PLEKHM2: variants seen among roughly 807,000 people sequenced by gnomAD.
The protein encoded by PLEKHM2 is pleckstrin homology domain-containing family M member 2.
Under a neutral mutation model 116.3 loss-of-function variants are expected in PLEKHM2, and 77 were observed. The observed-to-expected ratio is 0.66, with a 90% CI of 0.55 to 0.80. The LOEUF is 0.80. Ranked by LOEUF, PLEKHM2 falls within the 30% of genes least tolerant of loss-of-function variation. The pLI, the probability that PLEKHM2 is intolerant of heterozygous loss-of-function variation, is 0.00. For missense variants in PLEKHM2, 1,183 were observed against 1,354.9 expected (o/e 0.87, Z 1.99); for synonymous variants, 562 against 571.0 (o/e 0.98, Z 0.22).
Position 15,728,712 on chromosome 1 carries a change from C to T in PLEKHM2, c.1965C>T (p.Tyr655=). 6.2e-7 allele frequency: 1 copy of T among 1,611,190 alleles called. No homozygotes were observed. The highest frequency in any genetic ancestry group is 8.5e-7 in the Non-Finnish European group (1 of 1,178,688). Residue 655 remains tyrosine (Y), a synonymous_variant, in exon 12 of 20, where the codon TAC becomes TAT. Transcript: ENST00000375799. This position sits in a 1 kb window ranked among gnomAD's most constrained non-coding sequence, Gnocchi z 5.9. The part of the protein sequence containing the change: ...KPYLVEEAVS[Y]NELDYVSVGL... ...ACCTGGTGGAAGAGGCCGTTTCTTA[C>T]AATGAACTTGACTATGTGTCGGTGA...
At chr1:15,708,974 T>C (rs1285084558) in intron 1 of PLEKHM2, among the ~76,000 whole-genome samples, 3 of 152,210 alleles carry the variant, frequency 2.0e-5, no homozygotes, top group African/African-American at 4.8e-5. Context: ...TGGCAACCTA[T>C]AGGGAGGGTC....
chr1:15,729,095 C>T lies in PLEKHM2; in HGVS notation c.1987-7C>T, dbSNP rs1359290223. Reference sequence around the variant, plus strand: ...CCAAGTGCATGTCACGGTGTGGTTTCTGGCAGGTTGGCCTTGACCAGCAGA... The same window carrying T: ...CCAAGTGCATGTCACGGTGTGGTTTTTGGCAGGTTGGCCTTGACCAGCAGA... On this transcript the variant is annotated splice_polypyrimidine_tract_variant and splice_region_variant and intron_variant, in intron 12 of 19. Transcript: ENST00000375799. This position sits in a 1 kb window ranked among gnomAD's most constrained non-coding sequence, Gnocchi z 4.7. 6.2e-7 allele frequency: 1 copy of T among 1,604,900 alleles called. No homozygotes were observed. Among genetic ancestry groups the T allele is most frequent in the Non-Finnish European group, 8.5e-7 (1 of 1,175,864 alleles).
Position 15,727,034 on chromosome 1 carries a change from T to C in PLEKHM2, c.962T>C (p.Ile321Thr). The change falls in exon 9 of 20, where the codon ATT becomes ACT. Residue 321 changes from isoleucine to threonine, a missense_variant. Coordinates refer to ENST00000375799, the MANE Select transcript of PLEKHM2 (RefSeq NM_015164.4). This position sits in a 1 kb window ranked among gnomAD's most constrained non-coding sequence, Gnocchi z 7.5. Reference sequence around the variant, plus strand: ...CCCAGGGTCACCAAGAAGAAGAAAATTGGCAAGAAGAAAAAGAGCAGATCA... The same window carrying C: ...CCCAGGGTCACCAAGAAGAAGAAAACTGGCAAGAAGAAAAAGAGCAGATCA... ...EVIRVTKKKK[I>T]GKKKKSRSDE... 6.8e-7 allele frequency: 1 copy of C among 1,476,552 alleles called. No individual in the cohort carries two copies. Among genetic ancestry groups the C allele is most frequent in the South Asian group, 1.4e-5 (1 of 69,370 alleles). The allele number at this position is 1,476,552 out of a possible 1,614,324, so 91.5% of individuals were successfully genotyped here.
intron 19 of PLEKHM2, among the ~76,000 whole-genome samples, chr1:15,733,258 G>A (rs2068173023): frequency 6.6e-6 from 1 of 152,270 alleles, no homozygotes; most frequent in Non-Finnish European, 1.5e-5. Context: ...GGCCAAAGCT[G>A]AAAACAGAAC....
Position 15,729,099 on chromosome 1 carries a change from C to T in PLEKHM2, c.1987-3C>T, listed in dbSNP as rs775150311. The T allele has an allele frequency of 4.4e-6, 7 of 1,605,824 alleles. No individual in the cohort carries two copies. The South Asian group carries it at 4.5e-5, about 10-fold the overall frequency. ...GTGCATGTCACGGTGTGGTTTCTGGCAGGTTGGCCTTGACCAGCAGACGGT... is the reference window on the plus strand; with the variant it reads ...GTGCATGTCACGGTGTGGTTTCTGGTAGGTTGGCCTTGACCAGCAGACGGT... On this transcript the variant is annotated splice_polypyrimidine_tract_variant and splice_region_variant and intron_variant, in intron 12 of 19. Coordinates refer to ENST00000375799, the MANE Select transcript of PLEKHM2 (RefSeq NM_015164.4). This position sits in a 1 kb window ranked among gnomAD's most constrained non-coding sequence, Gnocchi z 4.7.
chr1:15,714,396 A>C (rs1641400109), intron 1 of PLEKHM2, among the ~76,000 whole-genome samples: 2 of 150,808 alleles, frequency 1.3e-5, no homozygotes, highest in African/African-American at 2.4e-5. Context: ...GTCGTACTTA[A>C]TACTGAAGTG....
In PLEKHM2 at chr1:15,727,810, A is replaced by G. The variant is rs375845025; in HGVS notation, c.1738A>G (p.Met580Val). 62 of 1,591,144 alleles carry G rather than the reference A, an allele frequency of 3.9e-5. No homozygotes were observed. In the African/African-American group the frequency reaches 6.3e-4, roughly 16 times the overall value. ...VDEGQGSPSE[M>V]VHSSEFRVDN... Reference sequence around the variant, plus strand: ...TGAGGGACAGGGGAGCCCTTCGGAGATGGTCCATTCCTCGGAGTTCAGGTA... The same window carrying G: ...TGAGGGACAGGGGAGCCCTTCGGAGGTGGTCCATTCCTCGGAGTTCAGGTA... The change falls in exon 9 of 20, where the codon ATG becomes GTG. Residue 580 changes from methionine to valine, a missense_variant. This residue lies in a region of PLEKHM2 where 594 missense variants were observed against 720.1 expected (regional missense o/e 0.82). Transcript: ENST00000375799. The surrounding 1 kb of genome is among the most constrained non-coding windows in gnomAD (Gnocchi z 7.5).
At chr1:15,701,129 A>AAAAAAG (rs1484825478) in intron 1 of PLEKHM2, among the ~76,000 whole-genome samples, 1 of 136,260 alleles carries the variant, frequency 7.3e-6, no homozygotes, top group Non-Finnish European at 1.6e-5. Context: ...AAAAAAAAAA[A>AAAAAAG]GGGGGTGGGG....
In PLEKHM2 at chr1:15,719,720, T is replaced by TA; in HGVS notation, c.466-13dup. On this transcript the variant is annotated splice_polypyrimidine_tract_variant and intron_variant, in intron 5 of 19. Coordinates refer to ENST00000375799, the MANE Select transcript of PLEKHM2 (RefSeq NM_015164.4). The surrounding 1 kb of genome is among the most constrained non-coding windows in gnomAD (Gnocchi z 4.1). ...GGCCTCCCACCAAACGGGCCTCCTC[T>TA]ACTCTCTCCTCAGGATGCCCCTTAC... 1 of 1,601,956 alleles carries TA rather than the reference T, an allele frequency of 6.2e-7. No homozygotes were observed. The highest frequency in any genetic ancestry group is 8.5e-7 in the Non-Finnish European group (1 of 1,171,072).
At chr1:15,690,583 T>C (rs1303343734) in intron 1 of PLEKHM2, among the ~76,000 whole-genome samples, 1 of 152,236 alleles carries the variant, frequency 6.6e-6, no homozygotes. Flanking sequence ...ATACGACGCA[T>C]GTGTTCATAT....
At chr1:15,693,042 C>CTT (rs922212762) in intron 1 of PLEKHM2, among the ~76,000 whole-genome samples, 10 of 126,950 alleles carry the variant, frequency 7.9e-5, no homozygotes, top group South Asian at 2.6e-4. Context: ...CCTAGCCACA[C>CTT]TTTTTTTTTT....
At chr1:15,714,130 C>T (rs369252892) in intron 1 of PLEKHM2, among the ~76,000 whole-genome samples, 21 of 151,764 alleles carry the variant, frequency 1.4e-4, no homozygotes, top group Non-Finnish European at 7.4e-5. Context: ...TAGTAGAGAA[C>T]GAGGTTTCAC....
In PLEKHM2 at chr1:15,705,523, G is replaced by C. The variant is rs117567714; in HGVS notation, c.61-10714G>C. On this transcript the variant is annotated intron_variant, in intron 1 of 19. Coordinates refer to ENST00000375799, the MANE Select transcript of PLEKHM2 (RefSeq NM_015164.4). ...ATAGGTGTTCTGAACTTATGCCAGA[G>C]CTGAACTCCACCTGATCCAGAAACG... Among the ~76,000 whole-genome samples the C allele has an allele frequency of 7.3e-4, 111 of 152,196 alleles. 1 individual carries two copies. In the East Asian group the frequency reaches 0.02, roughly 27 times the overall value.
chr1:15,681,941 A>C (rs1640652816), upstream of PLEKHM2, among the ~76,000 whole-genome samples: 1 of 152,220 alleles, frequency 6.6e-6, no homozygotes, highest in Non-Finnish European at 1.5e-5. Flanking sequence ...ATGATGGCTC[A>C]TGCCCGTAAT....
rs149771320 is a variant in PLEKHM2, at chr1:15,692,684, C to T, written c.60+8066C>T. ...AACTCCTGGCCTCAAGCCTTCCTCTCACTCCAGCCTCCCAAAGTGTGGGGT... is the reference window on the plus strand; with the variant it reads ...AACTCCTGGCCTCAAGCCTTCCTCTTACTCCAGCCTCCCAAAGTGTGGGGT... On this transcript the variant is annotated intron_variant, in intron 1 of 19. Transcript: ENST00000375799. Among the ~76,000 whole-genome samples the T allele has an allele frequency of 2.3e-3, 345 of 151,914 alleles. 3 individuals carry two copies. The highest frequency in any genetic ancestry group is 4.6e-3 in the East Asian group (24 of 5,168).
chr1:15,686,347 T>C (rs1640768006), intron 1 of PLEKHM2, among the ~76,000 whole-genome samples: 2 of 152,194 alleles, frequency 1.3e-5, no homozygotes, highest in South Asian at 4.1e-4. Flanking sequence ...AGCTGCCTGA[T>C]TGAATCCCCG....
rs16851982 is a variant in PLEKHM2, at chr1:15,719,041, C to G, written c.465+416C>G. 3.8e-3 allele frequency among the ~76,000 whole-genome samples: 574 copies of G among 152,298 alleles called. 3 individuals are homozygous for G. Among genetic ancestry groups the G allele is most frequent in the African/African-American group, 0.013 (546 of 41,566 alleles). On this transcript the variant is annotated intron_variant, in intron 5 of 19. Transcript: ENST00000375799. This position sits in a 1 kb window ranked among gnomAD's most constrained non-coding sequence, Gnocchi z 4.1. Reference sequence around the variant, plus strand: ...CCACCCTCTTCAAGTTCTCAAGTTTCTCTCCCCATCACACCCTGTACAAAT... The same window carrying G: ...CCACCCTCTTCAAGTTCTCAAGTTTGTCTCCCCATCACACCCTGTACAAAT...
At chr1:15,703,821 A>G (rs1641166990) in intron 1 of PLEKHM2, among the ~76,000 whole-genome samples, 1 of 152,124 alleles carries the variant, frequency 6.6e-6, no homozygotes, top group South Asian at 2.1e-4. Context: ...GCCTTCCCAG[A>G]GCGCCTGGGA....
At chr1:15,714,612 T>G (rs1369644145) in intron 1 of PLEKHM2, among the ~76,000 whole-genome samples, 1 of 152,208 alleles carries the variant, frequency 6.6e-6, no homozygotes, top group Non-Finnish European at 1.5e-5. Context: ...GAAGAGAGGC[T>G]ATTTTTGTTG....
Sources: gnomAD v4.1 joint callset for allele counts (sites outside exome capture counted in the v4.1 genomes callset) on GRCh38, gnomAD v4.1.1 for gene constraint, gnomAD v4.1.1 regional missense constraint, Gnocchi (gnomAD v3.1) non-coding constraint, MANE v1.5 for transcripts, NCBI Gene and HGNC (gene_info 2026-07-23, HGNC 2026-07-21) for gene names.